The following PTPRD variants were observed in gnomAD, a reference collection of about 807,000 sequenced individuals.
PTPRD encodes protein tyrosine phosphatase receptor type D.
In PTPRD, 34 loss-of-function variants were observed where a neutral mutation model predicts 214.5. The observed-to-expected ratio is 0.16, with a 90% confidence interval of 0.12 to 0.21. The LOEUF (loss-of-function observed/expected upper bound fraction) is 0.21, where lower values mean the gene tolerates loss of function less well. Among genes scored for constraint, PTPRD ranks in the 10% least tolerant of loss-of-function variants. PTPRD has a pLI of 1.00. For missense variants in PTPRD, 2,545 were observed against 2,398.7 expected (o/e 1.06, Z -1.27); for synonymous variants, 1,128 against 845.7 (o/e 1.33, Z -5.79).
At chr9:8,454,431 A>T in intron 33 of PTPRD, 1 of 669,826 alleles carries the variant, frequency 1.5e-6, no homozygotes, top group South Asian at 2.0e-5. Context: ...TAATGAAGTT[A>T]CTGTGTATAT....
At chr9:9,281,616 G>A (rs1260858130) in intron 9 of PTPRD, among the ~76,000 whole-genome samples, 1 of 151,354 alleles carries the variant, frequency 6.6e-6, no homozygotes, top group Non-Finnish European at 1.5e-5. Flanking sequence ...TGGTAAGGAT[G>A]TGGAACAGCA....
At position 9,117,237 on chromosome 9, in the gene PTPRD, T is replaced by TTTTTTG. The variant is rs762711027; in HGVS notation, c.-143+66066_-143+66067insCAAAAA. Among the ~76,000 whole-genome samples, 979 of 147,488 alleles carry TTTTTTG rather than the reference T, an allele frequency of 6.6e-3. 7 individuals carry two copies. Among genetic ancestry groups the TTTTTTG allele is most frequent in the African/African-American group, 0.023 (882 of 38,212 alleles). ...GAAATTAAGTTTTTTTTTTTTTTTG[T>TTTTTTG]ACTTTCAGGGTATGATTAACTTATA... is the stretch of plus-strand genomic sequence containing the variant. On this transcript the variant is annotated intron_variant, in intron 10 of 45. Transcript: ENST00000381196.
chr9:8,381,011 A>C (rs916538286), intron 37 of PTPRD, among the ~76,000 whole-genome samples: 10 of 152,214 alleles, frequency 6.6e-5, no homozygotes, highest in Non-Finnish European at 1.5e-4. Flanking sequence ...GGGTTCTAGC[A>C]TTGCTAATCC....
At chr9:10,172,693 C>A (rs373218760) in intron 3 of PTPRD, among the ~76,000 whole-genome samples, 1 of 152,098 alleles carries the variant, frequency 6.6e-6, no homozygotes, top group Non-Finnish European at 1.5e-5. Flanking sequence ...AAGTTGGGAA[C>A]GTTTCCAAGA....
chr9:9,763,792 A>G (rs977175325), intron 6 of PTPRD, among the ~76,000 whole-genome samples: 1 of 152,106 alleles, frequency 6.6e-6, no homozygotes, highest in African/African-American at 2.4e-5. Context: ...AAAGTTTATT[A>G]ACCCCTAAGT....
intron 9 of PTPRD, among the ~76,000 whole-genome samples, chr9:9,300,114 T>C (rs1426824883): frequency 1.3e-5 from 2 of 151,062 alleles, no homozygotes; most frequent in African/African-American, 4.9e-5. Flanking sequence ...TTTGGTCTCT[T>C]GCCTTCTTCC....
At chr9:8,984,401 T>A (rs974254852) in intron 11 of PTPRD, among the ~76,000 whole-genome samples, 9 of 152,094 alleles carry the variant, frequency 5.9e-5, no homozygotes, top group African/African-American at 1.9e-4. Flanking sequence ...CCAATTTTGA[T>A]AGTTATGCTT....
At chr9:8,318,878 C>CTATT (rs1002537816) in intron 45 of PTPRD, among the ~76,000 whole-genome samples, 1 of 152,010 alleles carries the variant, frequency 6.6e-6, no homozygotes, top group Non-Finnish European at 1.5e-5. Context: ...TAAAAGAAAC[C>CTATT]TATTTTCAGT....
chr9:9,639,145 T>G (rs1455811192), intron 7 of PTPRD, among the ~76,000 whole-genome samples: 5 of 152,216 alleles, frequency 3.3e-5, no homozygotes, highest in Non-Finnish European at 7.3e-5. Context: ...TAATAATTAT[T>G]AAATCACTTT....
intron 3 of PTPRD, among the ~76,000 whole-genome samples, chr9:10,311,240 A>T (rs1471143398): frequency 1.3e-5 from 2 of 152,004 alleles, no homozygotes; most frequent in African/African-American, 2.4e-5. Flanking sequence ...GCTAACCCAT[A>T]GGAGAAAAAT....
intron 9 of PTPRD, among the ~76,000 whole-genome samples, chr9:9,276,546 T>C (rs764263008): frequency 7.9e-5 from 12 of 151,298 alleles, no homozygotes; most frequent in Admixed American, 4.6e-4. Context: ...ACTTGTATCA[T>C]CGTCCTCAGT....
chr9:10,025,217 C>A (rs968608448), intron 4 of PTPRD, among the ~76,000 whole-genome samples: 1 of 152,154 alleles, frequency 6.6e-6, no homozygotes, highest in Admixed American at 6.5e-5. Context: ...CTGACTTCCA[C>A]AATGGTTGAA....
chr9:9,351,896 T>C (rs989846344), intron 9 of PTPRD, among the ~76,000 whole-genome samples: 3 of 151,988 alleles, frequency 2.0e-5, no homozygotes, highest in Non-Finnish European at 2.9e-5. Context: ...CTTGATGGAC[T>C]ATATGAGGAT....
rs913926355 is a variant in PTPRD at position 8,886,080 on chromosome 9, A to G, written c.-104+132617T>C. Among the ~76,000 whole-genome samples the G allele has an allele frequency of 8.5e-5, 13 of 152,162 alleles. No homozygotes were observed. The East Asian group carries it at 9.6e-4, about 11-fold the overall frequency. On this transcript the variant is annotated intron_variant, in intron 11 of 45. Transcript: ENST00000381196. ...AAAGGTGATTGGTAGGAAAGAACTC[A>G]AAAAGAGATTTGTGTCTACAAGACA...
At chr9:8,992,019 T>C (rs1006855974) in intron 11 of PTPRD, among the ~76,000 whole-genome samples, 1 of 151,966 alleles carries the variant, frequency 6.6e-6, no homozygotes, top group Non-Finnish European at 1.5e-5. Flanking sequence ...AGTTTGAGAG[T>C]GAGAAGGATG....
intron 5 of PTPRD, among the ~76,000 whole-genome samples, chr9:9,922,171 G>T (rs916986870): frequency 6.6e-6 from 1 of 152,058 alleles, no homozygotes; most frequent in African/African-American, 2.4e-5. Flanking sequence ...GCTTTAGAAG[G>T]CACGAATGAA....
chr9:10,147,610 C>T (rs10958918), intron 3 of PTPRD, among the ~76,000 whole-genome samples: 18,311 of 152,022 alleles, frequency 0.12, 1,238 homozygotes, highest in South Asian at 0.21. Flanking sequence ...CTGGGCACAG[C>T]GGCTCATGTC....
At chr9:9,701,349 A>G (rs2097498441) in intron 7 of PTPRD, among the ~76,000 whole-genome samples, 1 of 152,216 alleles carries the variant, frequency 6.6e-6, no homozygotes, top group African/African-American at 2.4e-5. Context: ...TATAAAAAAA[A>G]GTTATGCTAA....
intron 12 of PTPRD, among the ~76,000 whole-genome samples, chr9:8,656,076 GA>G (rs953014569): frequency 2.6e-5 from 4 of 151,946 alleles, no homozygotes; most frequent in South Asian, 2.1e-4. Context: ...AGCCTTTTAT[GA>G]AAAAAACATT....
Sources: gnomAD v4.1 joint callset for allele counts (sites outside exome capture counted in the v4.1 genomes callset) on GRCh38, gnomAD v4.1.1 for gene constraint, MANE v1.5 for transcripts, NCBI Gene and HGNC (gene_info 2026-07-23, HGNC 2026-07-21) for gene names.